DNAH5: variants seen among roughly 807,000 people sequenced by gnomAD.
DNAH5 encodes the protein axonemal beta dynein heavy chain 5.
In DNAH5, 372 loss-of-function variants were observed where a neutral mutation model predicts 518.2. That is an observed-to-expected ratio of 0.72 (90% CI 0.66 to 0.78). The LOEUF is 0.78. Among genes scored for constraint, DNAH5 ranks in the 30% least tolerant of loss-of-function variants. DNAH5 has a pLI of 0.00. For missense variants in DNAH5, 5,523 were observed against 5,687.0 expected, an observed-to-expected ratio of 0.97 and a Z score of 0.93; for synonymous variants, 2,039 against 2,025.9, an observed-to-expected ratio of 1.01 and a Z score of -0.17.
At chr5:13,787,923 G>A (rs529164109) in intron 51 of DNAH5, among the ~76,000 whole-genome samples, 1 of 152,204 alleles carries the variant, frequency 6.6e-6, no homozygotes, top group East Asian at 1.9e-4. Flanking sequence ...GATATACTTA[G>A]CATGTTTTTA....
intron 53 of DNAH5, 133 bp downstream of exon 53, chr5:13,780,696 G>T: frequency 2.0e-6 from 2 of 1,007,840 alleles, no homozygotes; most frequent in Non-Finnish European, 3.0e-6. Flanking sequence ...AGGGGAAGAT[G>T]ATAAGTCAAC....
At chr5:13,874,645 G>C (rs1770611874) in intron 22 of DNAH5, among the ~76,000 whole-genome samples, 1 of 152,078 alleles carries the variant, frequency 6.6e-6, no homozygotes, top group Non-Finnish European at 1.5e-5. Context: ...AGCCTAATGA[G>C]TAGCTGGGAT....
intron 1 of DNAH5, among the ~76,000 whole-genome samples, chr5:13,958,259 A>G (rs1395802969): frequency 6.6e-6 from 1 of 152,104 alleles, no homozygotes; most frequent in Admixed American, 6.5e-5. Context: ...ATACTCTTTG[A>G]TTTCCATGAG....
intron 3 of DNAH5, among the ~76,000 whole-genome samples, chr5:13,926,206 G>A (rs540784568): frequency 1.3e-4 from 20 of 152,314 alleles, no homozygotes; most frequent in African/African-American, 4.6e-4. Context: ...CCTGAGGGAG[G>A]ATGGGACAGA....
At chr5:13,806,554 G>T (rs1759625870) in intron 47 of DNAH5, among the ~76,000 whole-genome samples, 1 of 152,152 alleles carries the variant, frequency 6.6e-6, no homozygotes, top group Admixed American at 6.5e-5. Context: ...TTCATTAAAA[G>T]CAAAGTTCTT....
At chr5:13,782,951 G>A (rs943865644) in intron 52 of DNAH5, among the ~76,000 whole-genome samples, 2 of 152,172 alleles carry the variant, frequency 1.3e-5, no homozygotes, top group African/African-American at 4.8e-5. Flanking sequence ...TGTCCACCCT[G>A]CCCCTCAGGA....
chr5:13,735,257 C>G lies in DNAH5; in HGVS notation c.11635G>C (p.Val3879Leu), dbSNP rs745516073. 2.5e-6 allele frequency: 4 copies of G among 1,613,998 alleles called. No individual in the cohort carries two copies. Among genetic ancestry groups the G allele is most frequent in the African/African-American group, 2.7e-5 (2 of 74,926 alleles). Residue 3879 changes from valine (V) to leucine (L), a missense_variant, in exon 68 of 79, where the codon GTT (valine) becomes CTT (leucine). Val to Leu is a conservative substitution (Grantham distance 32). Around this residue, in one of 3 missense-constraint regions of DNAH5, gnomAD observed 5,121 missense variants for 5,223.3 expected, o/e 0.98. Coordinates refer to ENST00000265104, the MANE Select transcript of DNAH5 (RefSeq NM_001369.3). ...ANIIEHMTYE[V>L]YKYAARGLYE... ...AGCCCTCGGGCAGCATACTTATAAA[C>G]CTCGTAGGTCATGTGCTCGATGATA...
chr5:13,901,154 C>A (rs1774548190), intron 14 of DNAH5, 98 bp downstream of exon 14: 8 of 1,344,224 alleles, frequency 6.0e-6, no homozygotes, highest in Non-Finnish European at 7.3e-6. Context: ...TACAAAACAC[C>A]TACAAATCCA....
chr5:13,769,281 T>C, intron 57 of DNAH5, 145 bp from the exon 58 acceptor site: 1 of 924,316 alleles, frequency 1.1e-6, no homozygotes, highest in Non-Finnish European at 1.6e-6. Context: ...GGAGTCTCGC[T>C]CTGTCGCCCA....
At chr5:13,938,907 G>T (rs1050700974) in intron 1 of DNAH5, among the ~76,000 whole-genome samples, 3 of 152,094 alleles carry the variant, frequency 2.0e-5, no homozygotes, top group Non-Finnish European at 4.4e-5. Flanking sequence ...ACAAATTCAC[G>T]AGCAGAAAAA....
At chr5:13,720,111 CAAAA>C (rs70964504) in intron 71 of DNAH5, among the ~76,000 whole-genome samples, 1,427 of 128,686 alleles carry the variant, frequency 0.011, 13 homozygotes, top group African/African-American at 0.034. Flanking sequence ...GAAAAAACAC[CAAAA>C]AAAAAAAAAA....
intron 1 of DNAH5, among the ~76,000 whole-genome samples, chr5:13,959,415 A>T (rs1002022246): frequency 6.6e-6 from 1 of 152,208 alleles, no homozygotes; most frequent in African/African-American, 2.4e-5. Flanking sequence ...CCAGGTGGTG[A>T]AGGTTGGGGA....
At chr5:13,728,270 G>C (rs754908525) in intron 69 of DNAH5, among the ~76,000 whole-genome samples, 6 of 152,136 alleles carry the variant, frequency 3.9e-5, no homozygotes, top group Non-Finnish European at 8.8e-5. Context: ...CCAAAGAGAG[G>C]CAGGAATTAC....
chr5:13,996,906 G>T (rs575780873), intron 1 of DNAH5, among the ~76,000 whole-genome samples: 1 of 152,186 alleles, frequency 6.6e-6, no homozygotes, highest in South Asian at 2.1e-4. Context: ...CAACCCCACC[G>T]TTCTGCCAGG....
intron 1 of DNAH5, among the ~76,000 whole-genome samples, chr5:13,980,624 C>T (rs535294471): frequency 9.2e-5 from 14 of 152,298 alleles, no homozygotes; most frequent in African/African-American, 3.1e-4. Context: ...TCCACCACTA[C>T]CACTCTGGGC....
At chr5:13,947,049 T>C (rs1779983732), upstream of DNAH5, among the ~76,000 whole-genome samples, 1 of 152,246 alleles carries the variant, frequency 6.6e-6, no homozygotes, top group Admixed American at 6.5e-5. Flanking sequence ...TGTTAAAATA[T>C]GAAAAATGTA....
intron 36 of DNAH5, 35 bp downstream of exon 36, chr5:13,830,558 GCTGC>G: frequency 1.2e-6 from 2 of 1,605,000 alleles, no homozygotes; most frequent in Non-Finnish European, 1.7e-6. Context: ...TTCCACCTTG[GCTGC>G]AATTTCTCAC....
chr5:13,849,327 A>G (rs795534), intron 31 of DNAH5, among the ~76,000 whole-genome samples: 127,042 of 152,184 alleles, frequency 0.83, 53,500 homozygotes, highest in East Asian at 0.95. Flanking sequence ...ATTCATTGAA[A>G]TGTATGCGGT....
rs1210217648 is a variant in DNAH5 at position 13,866,252 on chromosome 5, G to A, written c.4084C>T (p.Gln1362Ter). 1 of 1,613,246 alleles carries A rather than the reference G, an allele frequency of 6.2e-7. No individual in the cohort carries two copies. The highest frequency in any genetic ancestry group is 1.1e-5 in the South Asian group (1 of 91,018). The change falls in exon 26 of 79, where the codon CAG (glutamine) becomes TAG (stop). Residue 1362 changes from glutamine (Q) to a stop codon, truncating the protein, a stop_gained. Coordinates refer to ENST00000265104, the MANE Select transcript of DNAH5 (RefSeq NM_001369.3). LOFTEE classifies it high-confidence loss of function. ...ATGATAAGCCTGTCACTGGCTTCCT[G>A]GGGCTTCAAGCCGCTAGCCATTGGA... is the stretch of plus-strand genomic sequence containing the variant. ...NGPMASGLKP[Q>*]EASDRLIMFQ...
Sources: gnomAD v4.1 joint callset for allele counts (sites outside exome capture counted in the v4.1 genomes callset) on GRCh38, gnomAD v4.1.1 for gene constraint, gnomAD v4.1.1 regional missense constraint, MANE v1.5 for transcripts, NCBI Gene and HGNC (gene_info 2026-07-23, HGNC 2026-07-21) for gene names.